The following IWS1 variants were observed in gnomAD, a reference collection of about 807,000 sequenced individuals.
IWS1 encodes the protein protein IWS1 homolog.
IWS1 carries 27 observed loss-of-function variants against 86.7 expected under a neutral mutation model. The ratio of observed to expected loss-of-function variants is 0.31; its 90% confidence interval spans 0.23 to 0.43. The LOEUF is 0.43. Among genes scored for constraint, IWS1 ranks in the 20% least tolerant of loss-of-function variants. The pLI is 1.00. For synonymous variants in IWS1, 313 were observed against 335.1 expected, an observed-to-expected ratio of 0.93 and a Z score of 0.72; for missense variants, 827 against 1,000.8, an observed-to-expected ratio of 0.83 and a Z score of 2.34.
Position 127,481,085 on chromosome 2 carries a change from C to T in IWS1, c.2419G>A (p.Ala807Thr). 3 of 1,612,308 alleles carry T rather than the reference C, an allele frequency of 1.9e-6. No individual in the cohort carries two copies. The highest frequency in any genetic ancestry group is 2.5e-6 in the Non-Finnish European group (3 of 1,179,468). ...DIRKKSRSAH[A>T]VKISIEGNKM... Reference sequence around the variant, plus strand: ...TTGCCCTCAATGCTGATTTTCACTGCGTGTGCAGATCTGCTTTTTTTCCTT... The same window carrying T: ...TTGCCCTCAATGCTGATTTTCACTGTGTGTGCAGATCTGCTTTTTTTCCTT... Residue 807 changes from alanine (A) to threonine (T), a missense_variant, in exon 14 of 14, where the codon GCA (alanine) becomes ACA (threonine). By Grantham distance (58) the Ala-to-Thr change is moderately conservative (BLOSUM62 0). Coordinates refer to ENST00000295321, the MANE Select transcript of IWS1 (RefSeq NM_017969.3).
At chr2:127,520,234 T>C (rs185546355) in intron 2 of IWS1, among the ~76,000 whole-genome samples, 57 of 152,228 alleles carry the variant, frequency 3.7e-4, no homozygotes, top group Non-Finnish European at 5.7e-4. Context: ...AGTGGTGTGA[T>C]CTCTACTCAC....
Position 127,481,160 on chromosome 2 carries a change from T to C in IWS1, c.2344A>G (p.Lys782Glu), listed in dbSNP as rs1214570894. The change falls in exon 14 of 14, where the codon AAG (lysine) becomes GAG (glutamate). Residue 782 changes from lysine to glutamate, a missense_variant. Around this residue, in one of 2 missense-constraint regions of IWS1, gnomAD observed 279 missense variants for 440.6 expected, o/e 0.63. Coordinates refer to ENST00000295321, the MANE Select transcript of IWS1 (RefSeq NM_017969.3). ...MESSRFQATS[K>E]KGISRLDKQM... ...TTATCCAGTCGACTGATACCCTTCT[T>C]GGAGGTCGCCTGAAACTAAGAGTAA... 1 of 1,601,944 alleles carries C rather than the reference T, an allele frequency of 6.2e-7. No individual in the cohort carries two copies. Among genetic ancestry groups the C allele is most frequent in the South Asian group, 1.1e-5 (1 of 89,420 alleles).
chr2:127,525,834 A>T (rs1864554), intron 1 of IWS1, among the ~76,000 whole-genome samples: 126,359 of 152,216 alleles, frequency 0.83, 52,564 homozygotes, highest in East Asian at 1. Flanking sequence ...CCCCGCCCCA[A>T]CGCCCCTTGG....
intron 4 of IWS1, 72 bp downstream of exon 4, chr2:127,503,315 G>A: frequency 9.0e-7 from 1 of 1,110,360 alleles, no homozygotes; most frequent in Non-Finnish European, 1.3e-6. Context: ...AGGACATATT[G>A]TATTATAACA....
chr2:127,510,882 G>A (rs1013944096), intron 2 of IWS1, among the ~76,000 whole-genome samples: 4 of 152,130 alleles, frequency 2.6e-5, no homozygotes, highest in African/African-American at 9.7e-5. Context: ...ATCACTTGGG[G>A]AACTTTGGAG....
chr2:127,491,326 A>G (rs191531596), intron 10 of IWS1, among the ~76,000 whole-genome samples: 1 of 152,368 alleles, frequency 6.6e-6, no homozygotes, highest in East Asian at 1.9e-4. Context: ...AAATGCAGTA[A>G]GGTAGGTGGT....
At chr2:127,511,982 T>C (rs1691477663) in intron 2 of IWS1, among the ~76,000 whole-genome samples, 1 of 152,182 alleles carries the variant, frequency 6.6e-6, no homozygotes, top group Admixed American at 6.5e-5. Flanking sequence ...ATTCAAGTAA[T>C]GTTGGAGCTA....
rs1459302512 is a variant in IWS1, at chr2:127,505,764, A to C, written c.151-12T>G. The stretch of plus-strand genomic sequence containing the variant: ...TCACTAGTTTCATTCTGAAAAATAA[A>C]GTGAGAAAAAATTAGGAAAGTGCAA... On this transcript the variant is annotated splice_polypyrimidine_tract_variant and intron_variant, in intron 2 of 13. Coordinates refer to ENST00000295321, the MANE Select transcript of IWS1 (RefSeq NM_017969.3). This position sits in a 1 kb window ranked among gnomAD's most constrained non-coding sequence, Gnocchi z 5.0. 6.7e-7 allele frequency: 1 copy of C among 1,489,726 alleles called. No individual in the cohort carries two copies. Among genetic ancestry groups the C allele is most frequent in the Non-Finnish European group, 9.0e-7 (1 of 1,110,290 alleles). The allele number at this position is 1,489,726 out of a possible 1,614,324, so 92.3% of individuals were successfully genotyped here. A position where few individuals can be genotyped will look rare whatever the true frequency, so the allele number is the denominator to read the frequency against.
At chr2:127,494,446 A>C (rs1036732225) in intron 8 of IWS1, 3 of 153,076 alleles carry the variant, frequency 2.0e-5, no homozygotes, top group African/African-American at 7.2e-5. Flanking sequence ...CAATTTTACC[A>C]GACCAAAAAC....
At chr2:127,508,520 A>C (rs139687127) in intron 2 of IWS1, among the ~76,000 whole-genome samples, 1 of 152,360 alleles carries the variant, frequency 6.6e-6, no homozygotes, top group Non-Finnish European at 1.5e-5. Flanking sequence ...TATATCCATC[A>C]CATAACTCTA....
At chr2:127,515,185 C>T (rs777272652) in intron 2 of IWS1, among the ~76,000 whole-genome samples, 12 of 152,180 alleles carry the variant, frequency 7.9e-5, no homozygotes, top group Non-Finnish European at 1.6e-4. Context: ...AACCCAAGGG[C>T]GGCTCTGGGT....
chr2:127,496,274 T>A, intron 6 of IWS1, 126 bp from the exon 7 acceptor site: 3 of 1,054,054 alleles, frequency 2.8e-6, no homozygotes, highest in Non-Finnish European at 4.1e-6. Context: ...CTTTTAAAAG[T>A]GCAAATACAG....
chr2:127,505,916 C>G lies in IWS1; in HGVS notation c.151-164G>C. The G allele has an allele frequency of 2.0e-6, 1 of 488,148 alleles. No homozygotes were observed. Among genetic ancestry groups the G allele is most frequent in the Non-Finnish European group, 3.5e-6 (1 of 281,784 alleles). 30.2% of individuals were successfully genotyped at this position (488,148 alleles called of 1,614,324 possible). On this transcript the variant is annotated intron_variant, in intron 2 of 13. Coordinates refer to ENST00000295321, the MANE Select transcript of IWS1 (RefSeq NM_017969.3). This position sits in a 1 kb window ranked among gnomAD's most constrained non-coding sequence, Gnocchi z 5.0. ...ATATAGAAACACCCCCACAGAAAGC[C>G]AATCAGTGAAATGGTTTTATTTGGA...
At chr2:127,491,887 G>T in intron 10 of IWS1, 84 bp downstream of exon 10, 1 of 821,460 alleles carries the variant, frequency 1.2e-6, no homozygotes, top group South Asian at 1.5e-5. Flanking sequence ...AACAAATACT[G>T]GTAAAAATAC....
chr2:127,502,616 A>T (rs1241343893), intron 5 of IWS1, 199 bp downstream of exon 5: 1 of 379,416 alleles, frequency 2.6e-6, no homozygotes, highest in East Asian at 3.9e-5. Flanking sequence ...CCTTAATTCA[A>T]TTTTGCCCAT....
chr2:127,512,910 G>A (rs527667198), intron 2 of IWS1, among the ~76,000 whole-genome samples: 1 of 152,326 alleles, frequency 6.6e-6, no homozygotes, highest in East Asian at 1.9e-4. Flanking sequence ...TTAAGCAAGA[G>A]TGCCAATTTT....
Position 127,504,785 on chromosome 2 carries a change from T to G in IWS1, c.1118A>C (p.Gln373Pro). 6.2e-7 allele frequency: 1 copy of G among 1,614,246 alleles called. No homozygotes were observed. The highest frequency in any genetic ancestry group is 8.5e-7 in the Non-Finnish European group (1 of 1,180,040). The stretch of plus-strand genomic sequence containing the variant: ...TTCATCTTCATCACTGTCCATTTTT[T>G]GCTTTTTGTGTTCTTCCTCCTCACT... The part of the protein sequence containing the change: ...SDSEEEEHKK[Q>P]KMDSDEDEKE... The change falls in exon 3 of 14, where the codon CAA becomes CCA. Residue 373 changes from glutamine to proline, a missense_variant. By Grantham distance (76) the Gln-to-Pro change is moderately conservative (BLOSUM62 -1). Coordinates refer to ENST00000295321, the MANE Select transcript of IWS1 (RefSeq NM_017969.3).
At chr2:127,525,831 C>T (rs1281267013) in intron 1 of IWS1, among the ~76,000 whole-genome samples, 2 of 152,218 alleles carry the variant, frequency 1.3e-5, no homozygotes, top group African/African-American at 4.8e-5. Flanking sequence ...ATCCCCCGCC[C>T]CAACGCCCCT....
At chr2:127,523,620 C>T (rs1312684448) in intron 2 of IWS1, 56 bp downstream of exon 2, 2 of 1,094,562 alleles carry the variant, frequency 1.8e-6, no homozygotes, top group Non-Finnish European at 2.8e-6. Context: ...TATAATATAA[C>T]AGATCTCACA....
Sources: gnomAD v4.1 joint callset for allele counts (sites outside exome capture counted in the v4.1 genomes callset) on GRCh38, gnomAD v4.1.1 for gene constraint, gnomAD v4.1.1 regional missense constraint, Gnocchi (gnomAD v3.1) non-coding constraint, MANE v1.5 for transcripts, NCBI Gene and HGNC (gene_info 2026-07-23, HGNC 2026-07-21) for gene names.